The following GPR149 variants were observed in gnomAD, a reference collection of about 807,000 sequenced individuals.
GPR149 encodes G protein-coupled receptor 149, also known as probable G protein-coupled receptor 149.
A neutral mutation model predicts 50.2 loss-of-function variants in GPR149; 50 were observed. The ratio of observed to expected loss-of-function variants is 1.00; its 90% CI spans 0.79 to 1.26. GPR149 has a LOEUF of 1.26. GPR149 is among the 50% of genes most tolerant of loss of function. The pLI, the probability that GPR149 is intolerant of heterozygous loss-of-function variation, is 0.00. For missense variants in GPR149, 983 were observed against 895.4 expected (o/e 1.10, Z -1.25); for synonymous variants, 405 against 358.2 (o/e 1.13, Z -1.48).
chr3:154,350,302 C>A (rs144340879), intron 3 of GPR149, among the ~76,000 whole-genome samples: 2 of 151,974 alleles, frequency 1.3e-5, no homozygotes, highest in African/African-American at 4.8e-5. Context: ...GTAGAAAATC[C>A]CAAGGAATCG....
chr3:154,385,330 T>C (rs1367201680), intron 3 of GPR149, among the ~76,000 whole-genome samples: 2 of 152,140 alleles, frequency 1.3e-5, no homozygotes, highest in African/African-American at 4.8e-5. Context: ...TTTGTACCGG[T>C]TGTGAACAAT....
intron 3 of GPR149, among the ~76,000 whole-genome samples, chr3:154,411,428 T>G (rs191887878): frequency 3.3e-5 from 5 of 152,180 alleles, no homozygotes; most frequent in Admixed American, 6.5e-5. Flanking sequence ...TTTGAAAAGA[T>G]AAATAAAATC....
chr3:154,371,737 A>C (rs1311218114), intron 3 of GPR149, among the ~76,000 whole-genome samples: 1 of 152,232 alleles, frequency 6.6e-6, no homozygotes, highest in Admixed American at 6.5e-5. Flanking sequence ...TCAAAGAAAT[A>C]AGAGAACAAA....
chr3:154,427,702 T>C lies in GPR149; in HGVS notation c.988A>G (p.Met330Val), dbSNP rs370458635. Residue 330 changes from methionine (M) to valine (V), a missense_variant, in exon 2 of 4, where the codon ATG (methionine) becomes GTG (valine). Physicochemically the swap from Met to Val is conservative, Grantham distance 21. Transcript: ENST00000389740. ...VVLWLPMMMH[M>V]VVQNVVGFQS... ...AACCCCACGACGTTCTGGACCACCA[T>C]GTGCATCTGCAAGGGCAAGAGAACT... is the stretch of plus-strand genomic sequence containing the variant. The C allele has an allele frequency of 6.2e-6, 10 of 1,611,080 alleles. No individual in the cohort carries two copies. In the African/African-American group the frequency reaches 1.3e-4, roughly 22 times the overall value.
chr3:154,403,628 C>A (rs192800346), intron 3 of GPR149, among the ~76,000 whole-genome samples: 1 of 152,244 alleles, frequency 6.6e-6, no homozygotes, highest in African/African-American at 2.4e-5. Flanking sequence ...GGGATCCTCC[C>A]AGCCTTGGAA....
chr3:154,421,021 GAAC>G lies in GPR149; in HGVS notation c.1623+15_1623+17del, dbSNP rs1232940414. The G allele has an allele frequency of 6.5e-7, 1 of 1,540,938 alleles. No homozygotes were observed. Among genetic ancestry groups the G allele is most frequent in the Non-Finnish European group, 8.8e-7 (1 of 1,138,498 alleles). ...AGTATCACTTTCAATTTAACAGCAA[GAAC>G]AACTTTTACTGTACCTGACGAGGGG... On this transcript the variant is annotated intron_variant, in intron 3 of 3. Transcript: ENST00000389740.
At chr3:154,395,541 C>A (rs1419814971) in intron 3 of GPR149, among the ~76,000 whole-genome samples, 3 of 151,880 alleles carry the variant, frequency 2.0e-5, no homozygotes, top group African/African-American at 7.2e-5. Context: ...GTAACCCTAG[C>A]ACTTTGGGAG....
chr3:154,429,272 T>G lies in GPR149; in HGVS notation c.344A>C (p.Gln115Pro). The G allele has an allele frequency of 6.2e-7, 1 of 1,614,184 alleles. No individual in the cohort carries two copies. Among genetic ancestry groups the G allele is most frequent in the Non-Finnish European group, 8.5e-7 (1 of 1,180,034 alleles). Residue 115 changes from glutamine to proline, a missense_variant, in exon 1 of 4, where the codon CAG becomes CCG. Physicochemically the swap from Gln to Pro is moderately conservative, Grantham distance 76. Coordinates refer to ENST00000389740, the MANE Select transcript of GPR149 (RefSeq NM_001038705.3). ...CTTSALMYLC[Q>P]GLSSNLKATL... ...CGCCTTCAAGTTGCTAGAGAGGCCC[T>G]GGCATAAATACATTAAGGCAGAGGT...
Position 154,400,176 on chromosome 3 carries a change from C to T in GPR149, c.1623+20863G>A, listed in dbSNP as rs189063503. On this transcript the variant is annotated intron_variant, in intron 3 of 3. Coordinates refer to ENST00000389740, the MANE Select transcript of GPR149 (RefSeq NM_001038705.3). ...TAATTTTCTGTATTTTTAGTAGAGA[C>T]GGGGTTTCACCGTGTTAGCCAGGAT... Among the ~76,000 whole-genome samples, 200 of 151,918 alleles carry T rather than the reference C, an allele frequency of 1.3e-3. 2 individuals carry two copies. In the East Asian group the frequency reaches 0.02, roughly 15 times the overall value.
intron 3 of GPR149, among the ~76,000 whole-genome samples, chr3:154,386,947 A>G (rs993477158): frequency 3.4e-5 from 5 of 146,840 alleles, no homozygotes; most frequent in African/African-American, 1.2e-4. Context: ...CTTTTTTGGA[A>G]GAAGGAGCTA....
At chr3:154,356,844 A>G (rs1366937512) in intron 3 of GPR149, among the ~76,000 whole-genome samples, 1 of 152,180 alleles carries the variant, frequency 6.6e-6, no homozygotes, top group Non-Finnish European at 1.5e-5. Context: ...TAAAGTTCAT[A>G]TGGAACCAAA....
Position 154,388,186 on chromosome 3 carries a change from T to G in GPR149, c.1623+32853A>C, listed in dbSNP as rs79939080. On this transcript the variant is annotated intron_variant, in intron 3 of 3. Coordinates refer to ENST00000389740, the MANE Select transcript of GPR149 (RefSeq NM_001038705.3). ...TGAGTTATTTAGAAAAATCCACTGA[T>G]CTATGTTACCTTACATTTATAGTGC... 4.7e-3 allele frequency among the ~76,000 whole-genome samples: 718 copies of G among 152,314 alleles called. 3 individuals are homozygous for G. Among genetic ancestry groups the G allele is most frequent in the African/African-American group, 0.017 (696 of 41,574 alleles).
chr3:154,400,735 T>A (rs1711533104), intron 3 of GPR149, among the ~76,000 whole-genome samples: 1 of 152,228 alleles, frequency 6.6e-6, no homozygotes, highest in Non-Finnish European at 1.5e-5. Context: ...CAGAATTAAG[T>A]TATACGCAGT....
chr3:154,404,889 A>AGCAGC (rs1399828042), intron 3 of GPR149, among the ~76,000 whole-genome samples: 3 of 109,406 alleles, frequency 2.7e-5, no homozygotes, highest in Non-Finnish European at 6.0e-5. Flanking sequence ...GCAGCAGCAG[A>AGCAGC]AATTTAAATT....
At chr3:154,372,096 C>T (rs916326257) in intron 3 of GPR149, among the ~76,000 whole-genome samples, 2 of 152,034 alleles carry the variant, frequency 1.3e-5, no homozygotes, top group Admixed American at 6.6e-5. Flanking sequence ...GAACGACTGC[C>T]GTCCAGTTCC....
chr3:154,386,351 AC>A (rs1051343565), intron 3 of GPR149, among the ~76,000 whole-genome samples: 3 of 152,190 alleles, frequency 2.0e-5, no homozygotes, highest in Non-Finnish European at 4.4e-5. Flanking sequence ...ATGTCTGTCT[AC>A]CTTTGTTTGC....
chr3:154,378,087 CCT>C (rs144994971), intron 3 of GPR149, among the ~76,000 whole-genome samples: 58,430 of 125,842 alleles, frequency 0.46, 12,770 homozygotes, highest in African/African-American at 0.52. Context: ...ATCCCCCCCC[CCT>C]TTTTTTTTTT....
intron 3 of GPR149, among the ~76,000 whole-genome samples, chr3:154,411,835 C>T (rs922965105): frequency 2.0e-5 from 3 of 152,098 alleles, no homozygotes; most frequent in African/African-American, 7.2e-5. Context: ...GAGAGTTCTT[C>T]CTAAATCATT....
chr3:154,427,206 T>C (rs528943536), intron 2 of GPR149, among the ~76,000 whole-genome samples: 1 of 152,272 alleles, frequency 6.6e-6, no homozygotes, highest in Admixed American at 6.5e-5. Flanking sequence ...CTATGGTGAA[T>C]GTATCATCTA....
Sources: gnomAD v4.1 joint callset for allele counts (sites outside exome capture counted in the v4.1 genomes callset) on GRCh38, gnomAD v4.1.1 for gene constraint, MANE v1.5 for transcripts, NCBI Gene and HGNC (gene_info 2026-07-23, HGNC 2026-07-21) for gene names.